Variants in CCDC7 observed in about 807,000 individuals in gnomAD.
CCDC7 encodes the protein coiled-coil domain containing 7, also known as coiled-coil domain-containing protein 7.
Under a neutral mutation model 196.9 loss-of-function variants are expected in CCDC7, and 183 were observed. The observed-to-expected ratio is 0.93, with a 90% CI of 0.82 to 1.05. The LOEUF is 1.05. Ranked by LOEUF, CCDC7 falls within the 50% of genes least tolerant of loss-of-function variation. The probability of loss-of-function intolerance (pLI) is 0.00; values close to 1 mark genes in which losing one functional copy is unlikely to be tolerated. For missense variants in CCDC7, 1,540 were observed against 1,482.2 expected (o/e 1.04, Z -0.64); for synonymous variants, 525 against 484.6 (o/e 1.08, Z -1.10).
At chr10:32,479,104 G>T (rs999745145) in intron 8 of CCDC7, among the ~76,000 whole-genome samples, 6 of 152,064 alleles carry the variant, frequency 3.9e-5, no homozygotes, top group Admixed American at 1.3e-4. Flanking sequence ...TATAGTATTT[G>T]TTTATTGTCC....
At chr10:32,698,626 A>G (rs2078124618) in intron 24 of CCDC7, among the ~76,000 whole-genome samples, 1 of 151,888 alleles carries the variant, frequency 6.6e-6, no homozygotes, top group Non-Finnish European at 1.5e-5. Flanking sequence ...CAAATGAATG[A>G]AATGAAGTGA....
At chr10:32,671,941 A>G (rs1416033931) in intron 21 of CCDC7, among the ~76,000 whole-genome samples, 1 of 152,182 alleles carries the variant, frequency 6.6e-6, no homozygotes, top group Non-Finnish European at 1.5e-5. Flanking sequence ...GGCAATGACT[A>G]TTAAAGTTCT....
intron 5 of CCDC7, among the ~76,000 whole-genome samples, chr10:32,465,496 T>C (rs1386132334): frequency 6.6e-6 from 1 of 152,106 alleles, no homozygotes; most frequent in Admixed American, 6.5e-5. Flanking sequence ...GTGCCCTCAT[T>C]TTTGAAACAC....
At chr10:32,697,997 C>T (rs956918604) in intron 24 of CCDC7, among the ~76,000 whole-genome samples, 1 of 152,180 alleles carries the variant, frequency 6.6e-6, no homozygotes, top group African/African-American at 2.4e-5. Flanking sequence ...CAGGCAGCAA[C>T]CTTTGCTCTT....
chr10:32,663,435 G>C (rs2071949084), intron 20 of CCDC7, among the ~76,000 whole-genome samples: 1 of 152,208 alleles, frequency 6.6e-6, no homozygotes, highest in African/African-American at 2.4e-5. Flanking sequence ...TATCTTTCCT[G>C]TGTTTCAATT....
chr10:32,661,337 G>GA, intron 20 of CCDC7, among the ~76,000 whole-genome samples: 1 of 151,530 alleles, frequency 6.6e-6, no homozygotes, highest in Non-Finnish European at 1.5e-5. Flanking sequence ...TGCTGGAGAG[G>GA]ATGTGGAGAA....
intron 28 of CCDC7, among the ~76,000 whole-genome samples, chr10:32,758,278 C>T: frequency 6.6e-6 from 1 of 152,134 alleles, no homozygotes; most frequent in East Asian, 1.9e-4. Flanking sequence ...GATACCAAAA[C>T]CTGGCAGAGA....
intron 33 of CCDC7, among the ~76,000 whole-genome samples, chr10:32,838,106 A>G (rs571294375): frequency 6.6e-6 from 1 of 152,194 alleles, no homozygotes; most frequent in East Asian, 1.9e-4. Flanking sequence ...ATAAAAATAA[A>G]TAGGTTCAGA....
chr10:32,612,663 C>A (rs998963111), intron 18 of CCDC7, among the ~76,000 whole-genome samples: 10 of 152,092 alleles, frequency 6.6e-5, no homozygotes, highest in Admixed American at 2.0e-4. Flanking sequence ...TTTTCTACAT[C>A]TATTGAGATA....
chr10:32,533,081 A>G (rs1318995897), intron 11 of CCDC7, among the ~76,000 whole-genome samples: 1 of 151,862 alleles, frequency 6.6e-6, no homozygotes, highest in Non-Finnish European at 1.5e-5. Flanking sequence ...ATTTTTTATG[A>G]TAATATGTTC....
At chr10:32,689,751 T>C (rs545648135) in intron 23 of CCDC7, among the ~76,000 whole-genome samples, 44 of 151,934 alleles carry the variant, frequency 2.9e-4, no homozygotes, top group Non-Finnish European at 5.9e-4. Context: ...TGTTTTTTTT[T>C]TGAGACACGG....
chr10:32,774,339 G>T (rs2079624765), intron 28 of CCDC7, among the ~76,000 whole-genome samples: 1 of 151,264 alleles, frequency 6.6e-6, no homozygotes, highest in African/African-American at 2.4e-5. Flanking sequence ...AGTCCTCCCT[G>T]CACTTTAAAT....
At chr10:32,639,196 T>C (rs1420839350) in intron 20 of CCDC7, among the ~76,000 whole-genome samples, 1 of 152,192 alleles carries the variant, frequency 6.6e-6, no homozygotes, top group African/African-American at 2.4e-5. Flanking sequence ...CTTGGATTCA[T>C]TGATTTTTTT....
chr10:32,509,565 C>T (rs2045784750), intron 9 of CCDC7, among the ~76,000 whole-genome samples: 1 of 147,528 alleles, frequency 6.8e-6, no homozygotes, highest in South Asian at 2.1e-4. Context: ...ACTGAGATTA[C>T]ATCAAACTTA....
intron 20 of CCDC7, among the ~76,000 whole-genome samples, chr10:32,656,919 A>G (rs2070027818): frequency 6.6e-6 from 1 of 152,240 alleles, no homozygotes; most frequent in Non-Finnish European, 1.5e-5. Flanking sequence ...CTGGGTAAAT[A>G]CACCCATTCC....
At chr10:32,476,287 C>T (rs1048646831) in intron 8 of CCDC7, among the ~76,000 whole-genome samples, 1 of 152,166 alleles carries the variant, frequency 6.6e-6, no homozygotes, top group Non-Finnish European at 1.5e-5. Flanking sequence ...ATTTCCTTTT[C>T]AAGAATGTTG....
rs1256818483 is a variant in CCDC7, at chr10:32,583,025, A to C, written c.1455-9A>C. ...ATAATCTAATACCAGATGTTTTATA[A>C]TTCTAAAGCTCAGAGAAGAAACGAT... is the stretch of plus-strand genomic sequence containing the variant. On this transcript the variant is annotated splice_polypyrimidine_tract_variant and intron_variant, in intron 16 of 41. Transcript: ENST00000639629. 8.1e-7 allele frequency: 1 copy of C among 1,229,992 alleles called. No homozygotes were observed. Among genetic ancestry groups the C allele is most frequent in the Admixed American group, 4.2e-5 (1 of 23,688 alleles). 76.2% of individuals were successfully genotyped at this position (1,229,992 alleles called of 1,614,324 possible).
At chr10:32,822,767 A>G (rs998089444) in intron 31 of CCDC7, among the ~76,000 whole-genome samples, 3 of 152,178 alleles carry the variant, frequency 2.0e-5, no homozygotes, top group African/African-American at 7.2e-5. Flanking sequence ...ATGGAAAAAT[A>G]GTATGGTTTA....
intron 18 of CCDC7, among the ~76,000 whole-genome samples, chr10:32,589,826 GT>G (rs1391477441): frequency 2.6e-5 from 4 of 151,898 alleles, no homozygotes; most frequent in Admixed American, 2.6e-4. Context: ...TCTTCTTATA[GT>G]TTTTATCTTG....
Sources: gnomAD v4.1 joint callset for allele counts (sites outside exome capture counted in the v4.1 genomes callset) on GRCh38, gnomAD v4.1.1 for gene constraint, MANE v1.5 for transcripts, NCBI Gene and HGNC (gene_info 2026-07-23, HGNC 2026-07-21) for gene names.